JHY: variants seen among roughly 807,000 people sequenced by gnomAD.
JHY encodes the protein junctional cadherin complex regulator.
Under a neutral mutation model 78.0 loss-of-function variants are expected in JHY, and 69 were observed. The ratio of observed to expected loss-of-function variants is 0.88; its 90% CI spans 0.73 to 1.08. JHY has a LOEUF of 1.08. JHY is among the 50% of genes least tolerant of loss of function. The probability of loss-of-function intolerance (pLI) is 0.00; values close to 1 mark genes in which losing one functional copy is unlikely to be tolerated. For missense variants in JHY, 944 were observed against 927.8 expected (o/e 1.02, Z -0.23); for synonymous variants, 368 against 342.6 (o/e 1.07, Z -0.82).
At position 122,959,437 on chromosome 11, in the gene JHY, A is replaced by G. The variant is rs756959633; in HGVS notation, c.2329A>G (p.Ile777Val). 1.1e-5 allele frequency: 18 copies of G among 1,613,988 alleles called. No individual in the cohort carries two copies. Among genetic ancestry groups the G allele is most frequent in the South Asian group, 3.3e-5 (3 of 91,086 alleles). Residue 777 changes from isoleucine to valine, a missense_variant, in exon 9 of 9, where the codon ATC becomes GTC. Physicochemically the swap from Ile to Val is conservative, Grantham distance 29 (BLOSUM62 3). Transcript: ENST00000227349. ...QAVAAFKVLH[I>V]V is the part of the protein sequence containing the mutation. Reference sequence around the variant, plus strand: ...TGTGGCTGCTTTCAAAGTCCTTCACATCGTATAGACAACATTTGATAGGAA... The same window carrying G: ...TGTGGCTGCTTTCAAAGTCCTTCACGTCGTATAGACAACATTTGATAGGAA...
intron 4 of JHY, among the ~76,000 whole-genome samples, chr11:122,933,653 A>G (rs761315558): frequency 6.6e-6 from 1 of 152,234 alleles, no homozygotes; most frequent in African/African-American, 2.4e-5. Flanking sequence ...CAGATGTCCT[A>G]TCACAGCACA....
In JHY at chr11:122,904,339, A is replaced by T; in HGVS notation, c.759A>T (p.Gln253His). ...SRGPRRRKSK[Q>H]HFVEKNKLTL... ...GCCCTCGGCGAAGGAAATCCAAACA[A>T]CATTTTGTGGAAAAAAACAAGCTCA... is the stretch of plus-strand genomic sequence containing the variant. Residue 253 changes from glutamine to histidine, a missense_variant, in exon 3 of 9, where the codon CAA (glutamine) becomes CAT (histidine). Physicochemically the swap from Gln to His is conservative, Grantham distance 24. Coordinates refer to ENST00000227349, the MANE Select transcript of JHY (RefSeq NM_024806.4). 6.2e-7 allele frequency: 1 copy of T among 1,614,064 alleles called. No individual in the cohort carries two copies. Among genetic ancestry groups the T allele is most frequent in the Non-Finnish European group, 8.5e-7 (1 of 1,180,012 alleles).
chr11:122,948,105 G>A (rs1864004781), intron 6 of JHY, among the ~76,000 whole-genome samples: 1 of 152,144 alleles, frequency 6.6e-6, no homozygotes, highest in Non-Finnish European at 1.5e-5. Context: ...GACCACTTGA[G>A]AGGAATTAAG....
intron 4 of JHY, among the ~76,000 whole-genome samples, chr11:122,926,730 G>A (rs1302583972): frequency 1.3e-5 from 2 of 152,146 alleles, no homozygotes; most frequent in African/African-American, 4.8e-5. Flanking sequence ...TAATGGACTG[G>A]GTCACGAGAG....
rs117207094 is a variant in JHY, at chr11:122,897,547, C to T, written c.345-6378C>T. On this transcript the variant is annotated intron_variant, in intron 2 of 8. Transcript: ENST00000227349. Reference sequence around the variant, plus strand: ...ACACCTGGCCAGTACTATTATTATCCCCATTTTATTGATGAGGAAACTGAA... The same window carrying T: ...ACACCTGGCCAGTACTATTATTATCTCCATTTTATTGATGAGGAAACTGAA... Among the ~76,000 whole-genome samples the T allele has an allele frequency of 1.0e-2, 1,516 of 152,276 alleles. 8 individuals carry two copies. The highest frequency in any genetic ancestry group is 0.014 in the Non-Finnish European group (975 of 68,040).
In JHY at chr11:122,886,045, G is replaced by A. The variant is rs1477463811; in HGVS notation, c.196G>A (p.Gly66Ser). The A allele has an allele frequency of 3.1e-6, 5 of 1,613,918 alleles. No individual in the cohort carries two copies. The highest frequency in any genetic ancestry group is 4.2e-6 in the Non-Finnish European group (5 of 1,180,018). Reference sequence around the variant, plus strand: ...TTCTGAGTTTGATGATCGAATCCGGGGCAACGGTATGGAGCCCGACAGCTT... The same window carrying A: ...TTCTGAGTTTGATGATCGAATCCGGAGCAACGGTATGGAGCCCGACAGCTT... ...CHSEFDDRIR[G>S]NGMEPDSLDE... Residue 66 changes from glycine (G) to serine (S), a missense_variant, in exon 2 of 9, where the codon GGC becomes AGC. By Grantham distance (56) the Gly-to-Ser change is moderately conservative. Coordinates refer to ENST00000227349, the MANE Select transcript of JHY (RefSeq NM_024806.4).
intron 3 of JHY, among the ~76,000 whole-genome samples, chr11:122,909,490 A>G (rs999757981): frequency 1.6e-4 from 25 of 152,168 alleles, no homozygotes; most frequent in African/African-American, 5.3e-4. Context: ...TCATAGGCTT[A>G]TTAAGAAGAT....
intron 4 of JHY, among the ~76,000 whole-genome samples, chr11:122,929,165 G>GATCC (rs1863582230): frequency 6.6e-6 from 1 of 151,524 alleles, no homozygotes; most frequent in South Asian, 2.1e-4. Flanking sequence ...GACCTCAGGT[G>GATCC]ATCTGCCTGC....
chr11:122,934,858 A>T lies in JHY; in HGVS notation c.1417A>T (p.Lys473Ter), dbSNP rs760053781. ...GAATGTTAATAAAGAAAGAGGACAC[A>T]AAGACCAAGAAGAGAAAAGATTTTC... Reference protein sequence around the residue: ...GLNVNKERGHKDQEEKRFSYQ... With the variant: ...GLNVNKERGH The change falls in exon 5 of 9, where the codon AAA becomes TAA. Residue 473 changes from lysine (K) to a stop codon, truncating the protein, a stop_gained. Transcript: ENST00000227349. LOFTEE classifies it high-confidence loss of function. 1 of 1,614,058 alleles carries T rather than the reference A, an allele frequency of 6.2e-7. No individual in the cohort carries two copies. The highest frequency in any genetic ancestry group is 1.1e-5 in the South Asian group (1 of 91,082).
intron 4 of JHY, among the ~76,000 whole-genome samples, chr11:122,929,246 T>G (rs1033098717): frequency 3.3e-5 from 5 of 152,036 alleles, no homozygotes; most frequent in South Asian, 2.1e-4. Context: ...TTTTGTTTTT[T>G]TTTTTTTTTA....
intron 3 of JHY, among the ~76,000 whole-genome samples, chr11:122,909,849 A>C (rs1003593021): frequency 5.9e-5 from 9 of 152,232 alleles, no homozygotes; most frequent in African/African-American, 2.2e-4. Context: ...GGCCCATAGC[A>C]AGTATATAGG....
chr11:122,903,414 C>T (rs988252078), intron 2 of JHY, among the ~76,000 whole-genome samples: 6 of 152,154 alleles, frequency 3.9e-5, no homozygotes, highest in South Asian at 4.1e-4. Context: ...TAAGGCCTTT[C>T]GCCCTTATGT....
chr11:122,937,242 C>CTTTTTTTTTTTTTTTTTT (rs11353255), intron 5 of JHY, among the ~76,000 whole-genome samples: 1 of 137,670 alleles, frequency 7.3e-6, no homozygotes. Context: ...CTTTTCATTT[C>CTTTTTTTTTTTTTTTTTT]TTTTTTTTTT....
intron 6 of JHY, among the ~76,000 whole-genome samples, chr11:122,948,468 A>AATAATAATAATC (rs1288489788): frequency 6.7e-6 from 1 of 148,376 alleles, no homozygotes; most frequent in African/African-American, 2.5e-5. Context: ...TAATAATAAT[A>AATAATAATAATC]ATAATAATAA....
At chr11:122,905,220 T>A in intron 3 of JHY, 1 of 1,614,144 alleles carries the variant, frequency 6.2e-7, no homozygotes, top group East Asian at 2.2e-5. Flanking sequence ...CAAAACCTTT[T>A]GGAGCCAGTA....
chr11:122,955,259 T>C (rs1157906907), intron 6 of JHY, among the ~76,000 whole-genome samples: 1 of 152,098 alleles, frequency 6.6e-6, no homozygotes, highest in Non-Finnish European at 1.5e-5. Context: ...TAGCTGGGAT[T>C]ACAGGTGCCT....
intron 2 of JHY, among the ~76,000 whole-genome samples, chr11:122,901,987 C>T (rs983818471): frequency 1.3e-5 from 2 of 152,002 alleles, no homozygotes; most frequent in Admixed American, 6.6e-5. Flanking sequence ...CTGTCTTCCA[C>T]GTCCATACCG....
chr11:122,931,525 T>C (rs1425660567), intron 4 of JHY, among the ~76,000 whole-genome samples: 1 of 152,194 alleles, frequency 6.6e-6, no homozygotes, highest in African/African-American at 2.4e-5. Context: ...ATATTTTTGC[T>C]TGAGATTCTC....
chr11:122,900,468 C>T (rs910502765), intron 2 of JHY, among the ~76,000 whole-genome samples: 13 of 132,104 alleles, frequency 9.8e-5, no homozygotes, highest in African/African-American at 1.4e-4. Context: ...TCCCATTTAG[C>T]TTTTGAAGAT....
Sources: allele counts gnomAD v4.1 joint callset (sites outside exome capture counted in the v4.1 genomes callset), GRCh38; gene constraint gnomAD v4.1.1; transcripts MANE v1.5; gene names NCBI Gene and HGNC (gene_info 2026-07-23, HGNC 2026-07-21).